The following PITPNM2 variants were observed in gnomAD, a reference collection of about 807,000 sequenced individuals.
The protein encoded by PITPNM2 is membrane-associated phosphatidylinositol transfer protein 2.
In PITPNM2, 35 loss-of-function variants were observed where a neutral mutation model predicts 132.2. The observed-to-expected ratio is 0.26, with a 90% CI of 0.20 to 0.35. The LOEUF (loss-of-function observed/expected upper bound fraction) is 0.35. Among genes scored for constraint, PITPNM2 ranks in the 10% least tolerant of loss-of-function variants. The pLI is 1.00. For synonymous variants in PITPNM2, 738 were observed against 799.2 expected (o/e 0.92, Z 1.29); for missense variants, 1,332 against 1,912.0 (o/e 0.70, Z 5.66).
chr12:123,030,997 G>A (rs991650006), intron 3 of PITPNM2, among the ~76,000 whole-genome samples: 4 of 152,264 alleles, frequency 2.6e-5, no homozygotes, highest in African/African-American at 9.6e-5. Context: ...GAGGGGGAGT[G>A]AGGAGTGACT....
rs753257280 is a variant in PITPNM2, at chr12:122,995,515, C to T, written c.1928G>A (p.Arg643Gln). 28 of 1,613,046 alleles carry T rather than the reference C, an allele frequency of 1.7e-5. No homozygotes were observed. Among genetic ancestry groups the T allele is most frequent in the Non-Finnish European group, 2.2e-5 (26 of 1,180,022 alleles). Reference protein sequence around the residue: ...SSLESSRHLSRSNVDIPRSNG... With the variant: ...SSLESSRHLSQSNVDIPRSNG... ...GCTGCGGGGGATGTCGACGTTGCTT[C>T]GGCTCAGGTGCCGACTGCTCTCCAG... The change falls in exon 14 of 26, where the codon CGA (arginine) becomes CAA (glutamine). Residue 643 changes from arginine to glutamine, a missense_variant. By Grantham distance (43) the Arg-to-Gln change is conservative. Coordinates refer to ENST00000320201, the MANE Select transcript of PITPNM2 (RefSeq NM_020845.3).
At chr12:123,061,723 C>T (rs2041240213) in intron 2 of PITPNM2, among the ~76,000 whole-genome samples, 1 of 152,172 alleles carries the variant, frequency 6.6e-6, no homozygotes, top group Admixed American at 6.5e-5. Context: ...CAGGCCCTGA[C>T]AAAGCTCCTG....
Position 122,992,823 on chromosome 12 carries a change from T to C in PITPNM2, c.2234-154A>G, listed in dbSNP as rs574520531. Among the ~76,000 whole-genome samples, 34 of 151,212 alleles carry C rather than the reference T, an allele frequency of 2.2e-4. No homozygotes were observed. Among genetic ancestry groups the C allele is most frequent in the Non-Finnish European group, 4.3e-4 (29 of 67,994 alleles). Reference sequence around the variant, plus strand: ...ATCAATTTGGGACCTGTTTGGGTCATTGTCACTTTTTTGTTTGTTTGAGAC... The same window carrying C: ...ATCAATTTGGGACCTGTTTGGGTCACTGTCACTTTTTTGTTTGTTTGAGAC... On this transcript the variant is annotated intron_variant, in intron 15 of 25. Coordinates refer to ENST00000320201, the MANE Select transcript of PITPNM2 (RefSeq NM_020845.3). The surrounding 1 kb of genome is among the most constrained non-coding windows in gnomAD (Gnocchi z 6.5).
At chr12:122,996,352 G>T in intron 13 of PITPNM2, 106 bp downstream of exon 13, 2 of 1,458,608 alleles carry the variant, frequency 1.4e-6, no homozygotes, top group East Asian at 2.4e-5. Context: ...CATTCTGCTT[G>T]GTGGACACAG....
chr12:123,032,590 G>A (rs951427629), intron 3 of PITPNM2, among the ~76,000 whole-genome samples: 2 of 152,210 alleles, frequency 1.3e-5, no homozygotes, highest in African/African-American at 2.4e-5. Context: ...GGGGGCTGGA[G>A]GTCAGTCCTC....
intron 2 of PITPNM2, among the ~76,000 whole-genome samples, chr12:123,043,395 CCA>C (rs2040557110): frequency 1.3e-5 from 2 of 152,176 alleles, no homozygotes; most frequent in Non-Finnish European, 1.5e-5. Flanking sequence ...CCCCCACCCC[CCA>C]CAGATTCCTT....
At chr12:123,013,777 G>T (rs773052505) in intron 4 of PITPNM2, 51 bp downstream of exon 4, 1 of 1,577,088 alleles carries the variant, frequency 6.3e-7, no homozygotes, top group Non-Finnish European at 8.7e-7. Context: ...ATTGCTTCCC[G>T]CCAGATGGCA....
At position 122,987,574 on chromosome 12, in the gene PITPNM2, G is replaced by C. The variant is rs1334792907; in HGVS notation, c.3200C>G (p.Ser1067Cys). Residue 1067 changes from serine to cysteine, a missense_variant, in exon 22 of 26, where the codon TCC becomes TGC. Physicochemically the swap from Ser to Cys is moderately radical, Grantham distance 112 (BLOSUM62 -1). This residue lies in a region of PITPNM2 where 251 missense variants were observed against 472.0 expected (regional missense o/e 0.53). Transcript: ENST00000320201. ...GCGGTGCGACTCAGGGATGGTGTAG[G>C]AGACACGCCCACTGTTGTTGGTCAC... ...TLVTNNSGRV[S>C]YTIPESHRLG... is the part of the protein sequence containing the mutation. 3 of 1,613,850 alleles carry C rather than the reference G, an allele frequency of 1.9e-6. No homozygotes were observed. Among genetic ancestry groups the C allele is most frequent in the Non-Finnish European group, 2.5e-6 (3 of 1,180,020 alleles).
At chr12:123,147,370 A>G (rs902737193) in intron 1 of PITPNM2, among the ~76,000 whole-genome samples, 1 of 151,980 alleles carries the variant, frequency 6.6e-6, no homozygotes, top group Non-Finnish European at 1.5e-5. Context: ...GCTGGAGTGC[A>G]GTGGCACAAT....
intron 2 of PITPNM2, among the ~76,000 whole-genome samples, chr12:123,094,526 G>A (rs150069490): frequency 5.5e-4 from 84 of 152,346 alleles, no homozygotes; most frequent in Admixed American, 4.8e-3. Context: ...CCAGGAAAGC[G>A]GACTTAGTCC....
chr12:122,996,876 A>C lies in PITPNM2; in HGVS notation c.1507T>G (p.Ser503Ala). Residue 503 changes from serine (S) to alanine (A), a missense_variant, in exon 12 of 26, where the codon TCC becomes GCC. Transcript: ENST00000320201. ...SPYSHDEGCL[S>A]SSQDHIPLAA... ...AGGGGAATGTGGTCCTGACTGCTGG[A>C]CAGACAGCCTTCGTCATGGCTGTAG... is the stretch of plus-strand genomic sequence containing the variant. 1 of 1,586,502 alleles carries C rather than the reference A, an allele frequency of 6.3e-7. No homozygotes were observed. The highest frequency in any genetic ancestry group is 1.4e-5 in the African/African-American group (1 of 73,054).
chr12:123,132,046 G>A (rs759422436), intron 1 of PITPNM2, among the ~76,000 whole-genome samples: 8 of 152,232 alleles, frequency 5.3e-5, no homozygotes, highest in Admixed American at 2.0e-4. Context: ...CCCAGTGCCC[G>A]ATTCCCCCAG....
intron 1 of PITPNM2, among the ~76,000 whole-genome samples, chr12:123,139,765 C>T (rs1482513734): frequency 2.0e-5 from 3 of 152,166 alleles, no homozygotes; most frequent in South Asian, 2.1e-4. Context: ...CAATCCACCA[C>T]CTGGAGAGAA....
rs1030212010 is a variant in PITPNM2, at chr12:122,994,559, T to C, written c.2233+242A>G. On this transcript the variant is annotated intron_variant, in intron 15 of 25. Transcript: ENST00000320201. The surrounding 1 kb of genome is among the most constrained non-coding windows in gnomAD (Gnocchi z 5.4). ...GGACCTCAGCTTGCCCATCTAGGGGTTGACCCTCAGCATCCACAGGCACCC... is the reference window on the plus strand; with the variant it reads ...GGACCTCAGCTTGCCCATCTAGGGGCTGACCCTCAGCATCCACAGGCACCC... 1.3e-5 allele frequency among the ~76,000 whole-genome samples: 2 copies of C among 152,056 alleles called. No individual in the cohort carries two copies. The highest frequency in any genetic ancestry group is 4.8e-5 in the African/African-American group (2 of 41,382).
At chr12:123,062,867 C>A (rs1258329291) in intron 2 of PITPNM2, among the ~76,000 whole-genome samples, 1 of 152,212 alleles carries the variant, frequency 6.6e-6, no homozygotes, top group Non-Finnish European at 1.5e-5. Flanking sequence ...AACTGCATAT[C>A]ACCCCTGCTT....
At chr12:123,126,434 G>A (rs1161149681) in intron 1 of PITPNM2, among the ~76,000 whole-genome samples, 1 of 152,162 alleles carries the variant, frequency 6.6e-6, no homozygotes, top group Non-Finnish European at 1.5e-5. Flanking sequence ...AGACCACCAA[G>A]CTTCAGGCGA....
chr12:122,992,656 C>T lies in PITPNM2; in HGVS notation c.2247G>A (p.Arg749=). The T allele has an allele frequency of 6.4e-7, 1 of 1,560,426 alleles. No individual in the cohort carries two copies. The highest frequency in any genetic ancestry group is 8.7e-7 in the Non-Finnish European group (1 of 1,149,986). ...VIPALDVFQL[R]PACQQVYNLF... Reference sequence around the variant, plus strand: ...GGTTGTAGACTTGCTGGCAGGCCGGCCGCAGCTGGAAAACTGGGGGTGGGG... The same window carrying T: ...GGTTGTAGACTTGCTGGCAGGCCGGTCGCAGCTGGAAAACTGGGGGTGGGG... The change falls in exon 16 of 26, where the codon CGG becomes CGA. Residue 749 remains arginine, a synonymous_variant. Transcript: ENST00000320201. The surrounding 1 kb of genome is among the most constrained non-coding windows in gnomAD (Gnocchi z 6.5).
At chr12:123,053,562 CTTTT>C (rs964541144) in intron 2 of PITPNM2, among the ~76,000 whole-genome samples, 1 of 119,868 alleles carries the variant, frequency 8.3e-6, no homozygotes. Context: ...ATGGTGACAT[CTTTT>C]TTTTTTTTTT....
intron 1 of PITPNM2, among the ~76,000 whole-genome samples, chr12:123,121,845 C>T (rs1028570922): frequency 2.0e-5 from 3 of 151,438 alleles, no homozygotes; most frequent in Non-Finnish European, 4.4e-5. Context: ...ATGCCCAGCC[C>T]ATGTCAACCT....
Sources: allele counts gnomAD v4.1 joint callset (sites outside exome capture counted in the v4.1 genomes callset), GRCh38; gene constraint gnomAD v4.1.1; regional missense constraint gnomAD v4.1.1; non-coding constraint Gnocchi (gnomAD v3.1); transcripts MANE v1.5; gene names NCBI Gene and HGNC (gene_info 2026-07-23, HGNC 2026-07-21).